Variants in TNFSF13B observed in about 807,000 individuals in gnomAD.
TNFSF13B encodes tumor necrosis factor ligand superfamily member 13B.
TNFSF13B carries 8 observed loss-of-function variants against 29.1 expected under a neutral mutation model. The observed-to-expected ratio is 0.27, with a 90% CI of 0.16 to 0.50. TNFSF13B has a LOEUF of 0.50. Ranked by LOEUF, TNFSF13B falls within the 20% of genes least tolerant of loss-of-function variation. The pLI is 0.98. For synonymous variants in TNFSF13B, 125 were observed against 130.8 expected (o/e 0.96, Z 0.30); for missense variants, 248 against 334.9 (o/e 0.74, Z 2.03).
chr13:108,293,713 A>G (rs1461944964), intron 3 of TNFSF13B, among the ~76,000 whole-genome samples: 4 of 152,208 alleles, frequency 2.6e-5, no homozygotes, highest in Non-Finnish European at 5.9e-5. Context: ...GCTATAACAT[A>G]TTACACTAGA....
At chr13:108,295,439 C>T (rs926763788) in intron 3 of TNFSF13B, among the ~76,000 whole-genome samples, 1 of 145,232 alleles carries the variant, frequency 6.9e-6, no homozygotes, top group Admixed American at 6.8e-5. Context: ...ATGATTCACC[C>T]GCCTTGGCCT....
chr13:108,294,691 TGTGTGGC>T lies in TNFSF13B; in HGVS notation c.481+7833_481+7839del, dbSNP rs1881419687. Among the ~76,000 whole-genome samples the T allele has an allele frequency of 1.4e-5, 2 of 147,312 alleles. 1 individual carries two copies. Among genetic ancestry groups the T allele is most frequent in the Admixed American group, 1.3e-4 (2 of 14,918 alleles). Reference sequence around the variant, plus strand: ...GGCCTGTAGTTTTTTGTGGTGTCTTTGTGTGGCATTGATATCAGTGTAACTCTAGACA... The same window carrying T: ...GGCCTGTAGTTTTTTGTGGTGTCTTTATTGATATCAGTGTAACTCTAGACA... On this transcript the variant is annotated intron_variant, in intron 3 of 5. Coordinates refer to ENST00000375887, the MANE Select transcript of TNFSF13B (RefSeq NM_006573.5).
At chr13:108,289,346 A>G (rs1881238062) in intron 3 of TNFSF13B, among the ~76,000 whole-genome samples, 1 of 151,962 alleles carries the variant, frequency 6.6e-6, no homozygotes. Flanking sequence ...TTTAGGATGG[A>G]CAGGTTGCCC....
chr13:108,277,506 C>T (rs1880794371), intron 2 of TNFSF13B, among the ~76,000 whole-genome samples: 1 of 152,018 alleles, frequency 6.6e-6, no homozygotes, highest in Non-Finnish European at 1.5e-5. Context: ...AAAGGAGTCC[C>T]GATCCAGACC....
At position 108,307,310 on chromosome 13, in the gene TNFSF13B, T is replaced by C. The variant is rs980395389; in HGVS notation, c.*372T>C. 1 of 171,308 alleles carries C rather than the reference T, an allele frequency of 5.8e-6. No homozygotes were observed. Among genetic ancestry groups the C allele is most frequent in the African/African-American group, 2.4e-5 (1 of 41,650 alleles). The allele number at this position is 171,308 out of a possible 1,614,324, so 10.6% of individuals were successfully genotyped here. ...GTAAAACGTGGCATCCATAATTTAC[T>C]ATGGAGCAAGTGCCCACATCTCTAG... On this transcript the variant is annotated 3_prime_UTR_variant, in exon 6 of 6. Transcript: ENST00000375887.
rs151202464 is a variant in TNFSF13B, at chr13:108,270,414, A to C, written c.414A>C (p.Pro138=). 1.2e-6 allele frequency: 2 copies of C among 1,614,054 alleles called. No homozygotes were observed. The highest frequency in any genetic ancestry group is 1.7e-6 in the Non-Finnish European group (2 of 1,179,904). Residue 138 remains proline, a synonymous_variant, in exon 2 of 6, where the codon CCA becomes CCC. Transcript: ENST00000375887. ...GAAATAAGCGTGCCGTTCAGGGTCC[A>C]GAAGAAACAGGTATGTTTTGGGCAC... is the stretch of plus-strand genomic sequence containing the variant. ...NSRNKRAVQG[P]EETVTQDCLQ... is the part of the protein sequence containing the mutation.
intron 2 of TNFSF13B, among the ~76,000 whole-genome samples, chr13:108,275,705 G>A (rs1428659844): frequency 1.3e-5 from 2 of 152,054 alleles, no homozygotes; most frequent in African/African-American, 4.8e-5. Flanking sequence ...AGAATACAGT[G>A]TGTTGGCATG....
intron 3 of TNFSF13B, among the ~76,000 whole-genome samples, chr13:108,295,174 T>C (rs1379222738): frequency 6.9e-6 from 1 of 144,882 alleles, no homozygotes; most frequent in African/African-American, 2.6e-5. Flanking sequence ...TGTTATTGTT[T>C]CGTCTTTTTC....
rs1230726235 is a variant in TNFSF13B at position 108,270,443 on chromosome 13, C to G, written c.424+19C>G. Reference sequence around the variant, plus strand: ...GAAACAGGTATGTTTTGGGCACAGACACTTTTAGGAGTCAGGGATTAGAGA... The same window carrying G: ...GAAACAGGTATGTTTTGGGCACAGAGACTTTTAGGAGTCAGGGATTAGAGA... On this transcript the variant is annotated intron_variant, in intron 2 of 5. Transcript: ENST00000375887. 1.6e-5 allele frequency: 26 copies of G among 1,609,548 alleles called. No individual in the cohort carries two copies. Among genetic ancestry groups the G allele is most frequent in the East Asian group, 4.5e-5 (2 of 44,866 alleles).
At chr13:108,288,495 T>A (rs1340601933) in intron 3 of TNFSF13B, among the ~76,000 whole-genome samples, 1 of 152,178 alleles carries the variant, frequency 6.6e-6, no homozygotes, top group East Asian at 1.9e-4. Flanking sequence ...TAGTCTACAA[T>A]TGGGCAAAAT....
intron 2 of TNFSF13B, among the ~76,000 whole-genome samples, chr13:108,274,749 G>C (rs1486604747): frequency 2.6e-5 from 4 of 152,050 alleles, no homozygotes; most frequent in Non-Finnish European, 2.9e-5. Context: ...TTTTCAGTAA[G>C]ACTCAAAACC....
At chr13:108,273,870 C>A (rs923093666) in intron 2 of TNFSF13B, among the ~76,000 whole-genome samples, 5 of 152,014 alleles carry the variant, frequency 3.3e-5, no homozygotes, top group Non-Finnish European at 7.4e-5. Context: ...AGGTTTGAAC[C>A]GCGAGGGTCC....
chr13:108,304,227 A>C (rs537245954), intron 5 of TNFSF13B, among the ~76,000 whole-genome samples: 1 of 152,308 alleles, frequency 6.6e-6, no homozygotes, highest in South Asian at 2.1e-4. Context: ...AAAGTTGTAC[A>C]ATGGCTTCTT....
chr13:108,276,782 C>T (rs1287599956), intron 2 of TNFSF13B, among the ~76,000 whole-genome samples: 1 of 152,004 alleles, frequency 6.6e-6, no homozygotes, highest in Non-Finnish European at 1.5e-5. Context: ...TTTAACATTG[C>T]AGACATGGGT....
intron 3 of TNFSF13B, 23 bp from the exon 4 acceptor site, chr13:108,303,230 A>G (rs748635050): frequency 6.5e-7 from 1 of 1,540,506 alleles, no homozygotes; most frequent in Non-Finnish European, 8.9e-7. Context: ...TTCTTTCCTT[A>G]TAAATGATTC....
intron 3 of TNFSF13B, among the ~76,000 whole-genome samples, chr13:108,298,352 C>A (rs1881513737): frequency 6.9e-6 from 1 of 145,322 alleles, no homozygotes; most frequent in Non-Finnish European, 1.5e-5. Context: ...AACTGATGAA[C>A]ATATGCATTA....
chr13:108,306,672 A>T (rs1462016234), intron 5 of TNFSF13B, among the ~76,000 whole-genome samples, 154 bp from the exon 6 acceptor site: 2 of 151,872 alleles, frequency 1.3e-5, no homozygotes, highest in African/African-American at 4.8e-5. Flanking sequence ...TTAGGCTAAG[A>T]TAATTGCAAT....
intron 2 of TNFSF13B, among the ~76,000 whole-genome samples, chr13:108,278,124 A>T (rs1880809468): frequency 6.6e-6 from 1 of 152,150 alleles, no homozygotes. Context: ...TTATCTATTG[A>T]TTATAAATTC....
At chr13:108,289,662 G>T (rs1216467258) in intron 3 of TNFSF13B, among the ~76,000 whole-genome samples, 1 of 148,274 alleles carries the variant, frequency 6.7e-6, no homozygotes. Flanking sequence ...TTAGCATATT[G>T]TATATATTAT....
Sources: gnomAD v4.1 joint callset for allele counts (sites outside exome capture counted in the v4.1 genomes callset) on GRCh38, gnomAD v4.1.1 for gene constraint, MANE v1.5 for transcripts, NCBI Gene and HGNC (gene_info 2026-07-23, HGNC 2026-07-21) for gene names.